The following IGSF21 variants were observed in gnomAD, a reference collection of about 807,000 sequenced individuals.
IGSF21 encodes immunoglobulin superfamily member 21.
IGSF21 carries 28 observed loss-of-function variants against 46.8 expected under a neutral mutation model. The observed-to-expected ratio is 0.60, with a 90% CI of 0.44 to 0.82. IGSF21 has a LOEUF of 0.82. Ranked by LOEUF, IGSF21 falls within the 40% of genes least tolerant of loss-of-function variation. The pLI is 0.00. For missense variants in IGSF21, 624 were observed against 665.5 expected (o/e 0.94, Z 0.69); for synonymous variants, 284 against 273.6 (o/e 1.04, Z -0.38).
intron 1 of IGSF21, among the ~76,000 whole-genome samples, chr1:18,160,630 C>A (rs1269820760): frequency 6.6e-6 from 1 of 152,022 alleles, no homozygotes; most frequent in Non-Finnish European, 1.5e-5. Flanking sequence ...AAGGACCGGG[C>A]ACTCAGAGCG....
intron 4 of IGSF21, among the ~76,000 whole-genome samples, chr1:18,349,437 C>T (rs1318069947): frequency 6.6e-6 from 1 of 152,104 alleles, no homozygotes; most frequent in East Asian, 1.9e-4. Flanking sequence ...ATCAGGAAGG[C>T]TTCATGGAGG....
At chr1:18,276,538 CA>C (rs942335201) in intron 2 of IGSF21, among the ~76,000 whole-genome samples, 1 of 152,156 alleles carries the variant, frequency 6.6e-6, no homozygotes, top group Non-Finnish European at 1.5e-5. Flanking sequence ...TGTCTAGTTT[CA>C]AAGGGAGAGA....
chr1:18,227,863 G>T, intron 1 of IGSF21, 35 bp from the exon 2 acceptor site: 3 of 1,522,076 alleles, frequency 2.0e-6, no homozygotes, highest in Non-Finnish European at 1.8e-6. Flanking sequence ...TGATCTGCTC[G>T]TGCCCTTACC....
chr1:18,199,892 G>GC (rs947031193), intron 1 of IGSF21, among the ~76,000 whole-genome samples: 23 of 146,344 alleles, frequency 1.6e-4, no homozygotes, highest in African/African-American at 3.9e-4. Context: ...GCTGCTCCCG[G>GC]CCCCCCCCTA....
chr1:18,276,777 C>A (rs1239371469), intron 2 of IGSF21, among the ~76,000 whole-genome samples: 1 of 152,138 alleles, frequency 6.6e-6, no homozygotes, highest in Non-Finnish European at 1.5e-5. Context: ...TGCATAGACT[C>A]CCTGTCTCAA....
At chr1:18,370,770 A>ACCCAATTT (rs1021649767) in intron 6 of IGSF21, among the ~76,000 whole-genome samples, 26 of 152,194 alleles carry the variant, frequency 1.7e-4, no homozygotes, top group Admixed American at 5.9e-4. Flanking sequence ...ATGAAAGACT[A>ACCCAATTT]CCCAATTTTT....
chr1:18,333,014 G>A (rs1203218848), intron 3 of IGSF21, among the ~76,000 whole-genome samples: 1 of 152,216 alleles, frequency 6.6e-6, no homozygotes, highest in Non-Finnish European at 1.5e-5. Flanking sequence ...AAAGCAGGTG[G>A]GAGAGCAAAG....
chr1:18,141,721 C>A (rs1460181663), intron 1 of IGSF21, among the ~76,000 whole-genome samples: 1 of 152,202 alleles, frequency 6.6e-6, no homozygotes, highest in East Asian at 1.9e-4. Context: ...TCCTGGACAA[C>A]ATCTCCAGCT....
rs534643004 is a variant in IGSF21, at chr1:18,377,322, A to AT, written c.1295-71_1295-70insT. The AT allele has an allele frequency of 7.9e-3, 10,603 of 1,344,192 alleles. 55 individuals are homozygous for AT. The highest frequency in any genetic ancestry group is 9.7e-3 in the Non-Finnish European group (9,058 of 933,706). The allele number at this position is 1,344,192 out of a possible 1,614,324, so 83.3% of individuals were successfully genotyped here. A position where few individuals can be genotyped will look rare whatever the true frequency, so the allele number is the denominator to read the frequency against. ...TGATACCTCACAGCAGGTGCTGGGTAAAGGGCCATTCCTTCCCTGAGCTCT... is the reference window on the plus strand; with the variant it reads ...TGATACCTCACAGCAGGTGCTGGGTATAAGGGCCATTCCTTCCCTGAGCTCT... On this transcript the variant is annotated intron_variant, in intron 8 of 9. Coordinates refer to ENST00000251296, the MANE Select transcript of IGSF21 (RefSeq NM_032880.5).
At chr1:18,279,819 C>A (rs1475765711) in intron 2 of IGSF21, among the ~76,000 whole-genome samples, 3 of 152,256 alleles carry the variant, frequency 2.0e-5, no homozygotes, top group African/African-American at 7.2e-5. Flanking sequence ...TGCCGGTGCA[C>A]CCGCCCCTCG....
chr1:18,199,989 GGGGA>G (rs1375321450), intron 1 of IGSF21, among the ~76,000 whole-genome samples: 8 of 152,062 alleles, frequency 5.3e-5, no homozygotes, highest in African/African-American at 1.9e-4. Context: ...AGGGGGCTCT[GGGGA>G]TCCAGACAAA....
intron 2 of IGSF21, among the ~76,000 whole-genome samples, chr1:18,271,315 G>A (rs4920468): frequency 0.062 from 9,425 of 152,190 alleles, 619 homozygotes; most frequent in Admixed American, 0.19. Context: ...TGCTTCATGG[G>A]TGATGTAGAA....
At chr1:18,362,927 G>GC (rs2086117741) in intron 5 of IGSF21, among the ~76,000 whole-genome samples, 1 of 152,138 alleles carries the variant, frequency 6.6e-6, no homozygotes. Context: ...AGCAGGAAAT[G>GC]CCCCCTCCCC....
At chr1:18,189,675 A>G (rs981898242) in intron 1 of IGSF21, among the ~76,000 whole-genome samples, 1 of 151,952 alleles carries the variant, frequency 6.6e-6, no homozygotes, top group Non-Finnish European at 1.5e-5. Flanking sequence ...TCACTGATGC[A>G]GTTCACAGTA....
chr1:18,163,270 G>A (rs575114932), intron 1 of IGSF21, among the ~76,000 whole-genome samples: 1 of 152,312 alleles, frequency 6.6e-6, no homozygotes, highest in African/African-American at 2.4e-5. Flanking sequence ...CAGGCCGGTG[G>A]TGACTACTCA....
intron 2 of IGSF21, among the ~76,000 whole-genome samples, chr1:18,268,819 A>G (rs1332485065): frequency 6.6e-6 from 1 of 152,144 alleles, no homozygotes; most frequent in Non-Finnish European, 1.5e-5. Flanking sequence ...GCTTATCCGG[A>G]TGGAAGGCAG....
chr1:18,186,433 ACC>A (rs2086903521), intron 1 of IGSF21, among the ~76,000 whole-genome samples: 1 of 151,890 alleles, frequency 6.6e-6, no homozygotes, highest in African/African-American at 2.4e-5. Context: ...CTCCTTCTTC[ACC>A]CTCCGTGGCT....
intron 6 of IGSF21, among the ~76,000 whole-genome samples, chr1:18,372,845 GAT>G: frequency 1.1e-5 from 1 of 94,462 alleles, no homozygotes; most frequent in Non-Finnish European, 2.0e-5. Flanking sequence ...TGGATGGATG[GAT>G]GGATGGATGG....
chr1:18,264,459 C>A (rs1161015436), intron 2 of IGSF21, among the ~76,000 whole-genome samples: 1 of 152,156 alleles, frequency 6.6e-6, no homozygotes, highest in Non-Finnish European at 1.5e-5. Flanking sequence ...TGCCTTCAGA[C>A]AAGTCATTGC....
Sources: allele counts gnomAD v4.1 joint callset (sites outside exome capture counted in the v4.1 genomes callset), GRCh38; gene constraint gnomAD v4.1.1; transcripts MANE v1.5; gene names NCBI Gene and HGNC (gene_info 2026-07-23, HGNC 2026-07-21).